CCDC102B: variants seen among roughly 807,000 people sequenced by gnomAD.
The protein encoded by CCDC102B is coiled-coil domain containing 102B, also known as coiled-coil domain-containing protein 102B.
Under a neutral mutation model 57.4 loss-of-function variants are expected in CCDC102B, and 75 were observed. The ratio of observed to expected loss-of-function variants is 1.31; its 90% CI spans 1.08 to 1.58. CCDC102B has a LOEUF of 1.58. CCDC102B is among the 40% of genes most tolerant of loss of function. The pLI, the probability that CCDC102B is intolerant of heterozygous loss-of-function variation, is 0.00. For missense variants in CCDC102B, 636 were observed against 582.6 expected, an observed-to-expected ratio of 1.09 and a Z score of -0.94; for synonymous variants, 206 against 201.9, an observed-to-expected ratio of 1.02 and a Z score of -0.17.
chr18:68,838,344 G>GT (rs2037475819), intron 2 of CCDC102B: 8 of 848,792 alleles, frequency 9.4e-6, no homozygotes, highest in Non-Finnish European at 1.1e-5. Context: ...CTTTGAAACT[G>GT]TAAGTGTCTT....
At position 68,927,964 on chromosome 18, in the gene CCDC102B, C is replaced by T. The variant is rs567857660; in HGVS notation, c.1263+30536C>T. On this transcript the variant is annotated intron_variant, in intron 6 of 7. Coordinates refer to ENST00000360242, the MANE Select transcript of CCDC102B (RefSeq NM_024781.3). ...TGGGTCTGATTTGAAGCACACAAAA[C>T]GTTTAACTTACAGACACTGGGCAGT... Among the ~76,000 whole-genome samples the T allele has an allele frequency of 2.4e-4, 37 of 151,908 alleles. No homozygotes were observed. The South Asian group carries it at 7.5e-3, about 31-fold the overall frequency.
At chr18:69,046,587 CT>C (rs1568147983) in intron 7 of CCDC102B, among the ~76,000 whole-genome samples, 1 of 152,028 alleles carries the variant, frequency 6.6e-6, no homozygotes, top group African/African-American at 2.4e-5. Flanking sequence ...TTCAGAAGGT[CT>C]TTACTTTAAT....
Position 68,790,657 on chromosome 18 carries a change from C to T in CCDC102B, c.-66-32709C>T, listed in dbSNP as rs1326433498. On this transcript the variant is annotated intron_variant, in intron 2 of 3. Transcript: ENST00000578970. ...GAACTCCCTGACCCCTTGCGCTTCC[C>T]AAGTGAGGCAATGCCTCGCCCTGCT... Among the ~76,000 whole-genome samples, 3 of 152,222 alleles carry T rather than the reference C, an allele frequency of 2.0e-5. No homozygotes were observed. The East Asian group carries it at 5.8e-4, about 29-fold the overall frequency.
chr18:68,983,330 G>A (rs1190787372), intron 6 of CCDC102B, among the ~76,000 whole-genome samples: 1 of 151,898 alleles, frequency 6.6e-6, no homozygotes, highest in Admixed American at 6.6e-5. Flanking sequence ...CAATGCAGAT[G>A]CCAAACAATA....
At chr18:68,981,936 C>T (rs1231901507) in intron 6 of CCDC102B, among the ~76,000 whole-genome samples, 1 of 151,608 alleles carries the variant, frequency 6.6e-6, no homozygotes, top group Non-Finnish European at 1.5e-5. Flanking sequence ...TTTTTTATGG[C>T]TGCATAGTAT....
chr18:68,753,624 T>G (rs2145251689), intron 2 of CCDC102B: 1 of 152,254 alleles, frequency 6.6e-6, no homozygotes, highest in East Asian at 1.9e-4. Flanking sequence ...TGATCATGGC[T>G]CATGGCAGCC....
intron 2 of CCDC102B, among the ~76,000 whole-genome samples, chr18:68,761,607 T>C (rs538451951): frequency 1.3e-3 from 202 of 152,178 alleles, no homozygotes; most frequent in African/African-American, 4.6e-3. Flanking sequence ...TATTATTTTG[T>C]TGCAAACTTC....
intron 7 of CCDC102B, among the ~76,000 whole-genome samples, chr18:69,041,659 C>T (rs999600205): frequency 2.6e-5 from 4 of 151,976 alleles, no homozygotes; most frequent in African/African-American, 9.7e-5. Context: ...CTTTATTTCT[C>T]TCTTTTTTTC....
At chr18:68,752,905 T>C (rs916901095) in intron 2 of CCDC102B, among the ~76,000 whole-genome samples, 5 of 152,264 alleles carry the variant, frequency 3.3e-5, no homozygotes, top group African/African-American at 9.6e-5. Flanking sequence ...TTCAAGTCTT[T>C]CATCAATTAT....
chr18:68,962,894 T>G (rs2050079167), intron 6 of CCDC102B, among the ~76,000 whole-genome samples: 1 of 151,994 alleles, frequency 6.6e-6, no homozygotes, highest in South Asian at 2.1e-4. Context: ...TCAAATGCAT[T>G]TCACGACTCC....
At chr18:69,006,607 T>C (rs966869676) in intron 6 of CCDC102B, among the ~76,000 whole-genome samples, 6 of 142,066 alleles carry the variant, frequency 4.2e-5, no homozygotes, top group Non-Finnish European at 6.2e-5. Context: ...TTTTTTTTTT[T>C]TTTTTTGGTA....
intron 4 of CCDC102B, among the ~76,000 whole-genome samples, chr18:68,863,094 C>T (rs552501606): frequency 6.6e-6 from 1 of 151,308 alleles, no homozygotes; most frequent in African/African-American, 2.4e-5. Context: ...CTAAGAAATA[C>T]GATTTTAAAA....
At chr18:68,889,286 C>T (rs2039992710) in intron 5 of CCDC102B, among the ~76,000 whole-genome samples, 1 of 152,148 alleles carries the variant, frequency 6.6e-6, no homozygotes, top group African/African-American at 2.4e-5. Flanking sequence ...CTAGCTGGCT[C>T]CTTCCAACAC....
intron 6 of CCDC102B, among the ~76,000 whole-genome samples, chr18:68,926,807 T>C (rs1266603531): frequency 6.6e-6 from 1 of 151,994 alleles, no homozygotes; most frequent in Non-Finnish European, 1.5e-5. Flanking sequence ...ATTTGATTTA[T>C]GTTCATCATC....
At chr18:68,736,893 A>G (rs1179462810) in intron 2 of CCDC102B, among the ~76,000 whole-genome samples, 1 of 151,842 alleles carries the variant, frequency 6.6e-6, no homozygotes, top group Non-Finnish European at 1.5e-5. Flanking sequence ...TCTTTTTTAT[A>G]CTAAATCTTT....
intron 7 of CCDC102B, among the ~76,000 whole-genome samples, chr18:69,040,302 T>A (rs748943063): frequency 6.6e-6 from 1 of 151,936 alleles, no homozygotes; most frequent in South Asian, 2.1e-4. Flanking sequence ...TTATATATAA[T>A]ATTTATTTCT....
chr18:68,927,609 T>A (rs754763119), intron 6 of CCDC102B, among the ~76,000 whole-genome samples: 21 of 152,034 alleles, frequency 1.4e-4, no homozygotes, highest in Non-Finnish European at 2.1e-4. Context: ...ATGCATGATA[T>A]AATATTGATA....
chr18:68,897,431 A>G lies in CCDC102B; in HGVS notation c.1263+3A>G, dbSNP rs1484088152. 6.2e-7 allele frequency: 1 copy of G among 1,610,408 alleles called. No homozygotes were observed. Among genetic ancestry groups the G allele is most frequent in the Admixed American group, 1.7e-5 (1 of 59,664 alleles). On this transcript the variant is annotated splice_donor_region_variant and intron_variant, in intron 6 of 7. Transcript: ENST00000360242. Reference sequence around the variant, plus strand: ...TTGATCTGCAAGAAAAAAACCAGGTATGGGTGCTCCTTGGAGCAAATTCTC... The same window carrying G: ...TTGATCTGCAAGAAAAAAACCAGGTGTGGGTGCTCCTTGGAGCAAATTCTC...
At chr18:68,982,859 A>C (rs933273047) in intron 6 of CCDC102B, among the ~76,000 whole-genome samples, 1 of 151,948 alleles carries the variant, frequency 6.6e-6, no homozygotes, top group African/African-American at 2.4e-5. Context: ...AAAGTATTAT[A>C]GTAATATTTT....
Sources: allele counts gnomAD v4.1 joint callset (sites outside exome capture counted in the v4.1 genomes callset), GRCh38; gene constraint gnomAD v4.1.1; transcripts MANE v1.5; gene names NCBI Gene and HGNC (gene_info 2026-07-23, HGNC 2026-07-21).